RALGPS2: variants seen among roughly 807,000 people sequenced by gnomAD.
RALGPS2 encodes Ral GEF with PH domain and SH3 binding motif 2.
Under a neutral mutation model 86.8 loss-of-function variants are expected in RALGPS2, and 43 were observed. The observed-to-expected ratio is 0.50, with a 90% CI of 0.39 to 0.64. RALGPS2 has a LOEUF of 0.64. Ranked by LOEUF, RALGPS2 falls within the 30% of genes least tolerant of loss-of-function variation. The probability of loss-of-function intolerance (pLI) is 0.00; values close to 1 mark genes in which losing one functional copy is unlikely to be tolerated. For missense variants in RALGPS2, 536 were observed against 694.6 expected (o/e 0.77, Z 2.57); for synonymous variants, 243 against 231.3 (o/e 1.05, Z -0.46).
intron 1 of RALGPS2, chr1:178,747,494 T>A: frequency 1.9e-6 from 3 of 1,608,848 alleles, no homozygotes; most frequent in Non-Finnish European, 2.5e-6. Context: ...AACCAATTCT[T>A]TCTCCATAAT....
chr1:178,865,918 A>G (rs1182673906), intron 8 of RALGPS2: 12 of 602,376 alleles, frequency 2.0e-5, no homozygotes, highest in Non-Finnish European at 2.5e-5. Context: ...TATTGGTGTT[A>G]ATAGATTAGG....
chr1:178,804,253 CT>C (rs11302348), intron 4 of RALGPS2, among the ~76,000 whole-genome samples: 23,901 of 131,990 alleles, frequency 0.18, 2,846 homozygotes, highest in African/African-American at 0.36. Context: ...GCTGTTTCTT[CT>C]TTTTTTTTTT....
rs779478516 is a variant in RALGPS2 at position 178,852,932 on chromosome 1, C to T, written c.607+19382C>T. 15 of 1,611,496 alleles carry T rather than the reference C, an allele frequency of 9.3e-6. No homozygotes were observed. The highest frequency in any genetic ancestry group is 3.3e-5 in the South Asian group (3 of 90,882). ...TTTTCCAGTCCAAGCCAGTATTCTC[C>T]GTCAATGTTTCCAAACCCTTTCTGT... On this transcript the variant is annotated intron_variant, in intron 8 of 19. Coordinates refer to ENST00000367635, the MANE Select transcript of RALGPS2 (RefSeq NM_152663.5).
chr1:178,886,210 A>G (rs1277868704), intron 13 of RALGPS2, 90 bp downstream of exon 13: 2 of 1,368,088 alleles, frequency 1.5e-6, no homozygotes, highest in Non-Finnish European at 2.0e-6. Context: ...ACCCACACAC[A>G]GAGAAAATTT....
intron 1 of RALGPS2, among the ~76,000 whole-genome samples, chr1:178,756,264 G>GT (rs1179024692): frequency 1.3e-5 from 2 of 151,980 alleles, no homozygotes; most frequent in African/African-American, 4.8e-5. Context: ...TGTTTCCTAG[G>GT]TTTTTTTCTA....
At chr1:178,742,601 A>G (rs1425499088) in intron 1 of RALGPS2, among the ~76,000 whole-genome samples, 3 of 152,186 alleles carry the variant, frequency 2.0e-5, no homozygotes, top group East Asian at 1.9e-4. Flanking sequence ...CTGTCAACCA[A>G]TTTTACTTAA....
rs997029809 is a variant in RALGPS2 at position 178,917,035 on chromosome 1, T to C, written c.*676T>C. On this transcript the variant is annotated 3_prime_UTR_variant, in exon 20 of 20. Transcript: ENST00000367635. ...TTTTTTAAACACTAAACTTCTGAAA[T>C]GTAGTACTGTAAGGGGAACATTATT... 1.3e-5 allele frequency: 2 copies of C among 152,174 alleles called. No homozygotes were observed. The highest frequency in any genetic ancestry group is 2.9e-5 in the Non-Finnish European group (2 of 68,040). The allele number at this position is 152,174 out of a possible 1,614,324, so 9.4% of individuals were successfully genotyped here. A position where few individuals can be genotyped will look rare whatever the true frequency, so the allele number is the denominator to read the frequency against.
intron 6 of RALGPS2, among the ~76,000 whole-genome samples, chr1:178,818,975 G>T (rs1346204111): frequency 6.8e-6 from 1 of 146,638 alleles, no homozygotes; most frequent in Non-Finnish European, 1.5e-5. Context: ...ATGAGTTTTT[G>T]TTGTTTTTCT....
At chr1:178,795,118 T>C (rs1339202869) in intron 4 of RALGPS2, among the ~76,000 whole-genome samples, 3 of 151,372 alleles carry the variant, frequency 2.0e-5, no homozygotes, top group African/African-American at 7.3e-5. Context: ...AGGCAGAGGT[T>C]GCAGTGAGCC....
rs182655206 is a variant in RALGPS2 at position 178,774,922 on chromosome 1, A to G, written c.-83-1760A>G. Among the ~76,000 whole-genome samples the G allele has an allele frequency of 5.9e-5, 9 of 152,338 alleles. 1 individual carries two copies. In the East Asian group the frequency reaches 1.5e-3, roughly 26 times the overall value. On this transcript the variant is annotated intron_variant, in intron 1 of 19. Coordinates refer to ENST00000367635, the MANE Select transcript of RALGPS2 (RefSeq NM_152663.5). ...ACCAAGAGCATGTTTTACTACTTCTAGGAAACAGATCTTAGCCATTCTCAT... is the reference window on the plus strand; with the variant it reads ...ACCAAGAGCATGTTTTACTACTTCTGGGAAACAGATCTTAGCCATTCTCAT...
intron 19 of RALGPS2, among the ~76,000 whole-genome samples, chr1:178,909,109 ATCT>A (rs1013710479): frequency 6.6e-6 from 1 of 152,126 alleles, no homozygotes; most frequent in Non-Finnish European, 1.5e-5. Context: ...TCCAGTTTTA[ATCT>A]TCTGTATATG....
At chr1:178,761,900 T>TTAGGGTCCGG (rs1405470202) in intron 1 of RALGPS2, among the ~76,000 whole-genome samples, 1 of 152,162 alleles carries the variant, frequency 6.6e-6, no homozygotes, top group Non-Finnish European at 1.5e-5. Context: ...CCGGGGTATT[T>TTAGGGTCCGG]GTTATGTAGG....
intron 16 of RALGPS2, among the ~76,000 whole-genome samples, chr1:178,894,812 G>A (rs915976679): frequency 6.6e-6 from 1 of 151,876 alleles, no homozygotes; most frequent in Non-Finnish European, 1.5e-5. Flanking sequence ...TGTTAAGGGT[G>A]CTTAAATCCT....
intron 16 of RALGPS2, among the ~76,000 whole-genome samples, chr1:178,896,533 A>G (rs1659945550): frequency 6.8e-6 from 1 of 146,966 alleles, no homozygotes; most frequent in African/African-American, 2.5e-5. Context: ...TTAGTTACAT[A>G]TGTATACATG....
intron 18 of RALGPS2, among the ~76,000 whole-genome samples, chr1:178,903,856 G>T (rs1201005178): frequency 6.6e-6 from 1 of 152,020 alleles, no homozygotes; most frequent in Non-Finnish European, 1.5e-5. Flanking sequence ...TTTTCCTCTG[G>T]GTAGATACCC....
chr1:178,740,666 G>A (rs181851000), intron 1 of RALGPS2, among the ~76,000 whole-genome samples: 4 of 152,330 alleles, frequency 2.6e-5, no homozygotes, highest in Admixed American at 2.6e-4. Context: ...GAGAAACCAT[G>A]TGGTTTGAGA....
intron 2 of RALGPS2, among the ~76,000 whole-genome samples, chr1:178,783,303 A>G (rs1456943727): frequency 6.6e-6 from 1 of 152,092 alleles, no homozygotes; most frequent in African/African-American, 2.4e-5. Context: ...TGTCAGTAAA[A>G]CTTCCCAAAC....
At chr1:178,737,252 T>C (rs1325969887) in intron 1 of RALGPS2, among the ~76,000 whole-genome samples, 1 of 152,194 alleles carries the variant, frequency 6.6e-6, no homozygotes, top group Non-Finnish European at 1.5e-5. Context: ...GTCTTGCGCC[T>C]TTTTTCTTTT....
chr1:178,891,063 C>T (rs1659694708), intron 14 of RALGPS2, among the ~76,000 whole-genome samples: 1 of 151,874 alleles, frequency 6.6e-6, no homozygotes, highest in Non-Finnish European at 1.5e-5. Flanking sequence ...TATGACTAAC[C>T]AGAATGGTGG....
Sources: allele counts gnomAD v4.1 joint callset (sites outside exome capture counted in the v4.1 genomes callset), GRCh38; gene constraint gnomAD v4.1.1; transcripts MANE v1.5; gene names NCBI Gene and HGNC (gene_info 2026-07-23, HGNC 2026-07-21).